The following PPP2R2C variants were observed in gnomAD, a reference collection of about 807,000 sequenced individuals.
PPP2R2C encodes protein phosphatase 2, regulatory subunit B, gamma.
PPP2R2C carries 10 observed loss-of-function variants against 45.3 expected under a neutral mutation model. That is an observed-to-expected ratio of 0.22 (90% CI 0.14 to 0.37). The LOEUF is 0.37. Ranked by LOEUF, PPP2R2C falls within the 10% of genes least tolerant of loss-of-function variation. The probability of loss-of-function intolerance (pLI) is 1.00; values close to 1 mark genes in which losing one functional copy is unlikely to be tolerated. For missense variants in PPP2R2C, 308 were observed against 619.7 expected, an observed-to-expected ratio of 0.50 and a Z score of 5.34; for synonymous variants, 257 against 245.4, an observed-to-expected ratio of 1.05 and a Z score of -0.44.
In PPP2R2C at chr4:6,329,117, G is replaced by C. The variant is rs1418159360; in HGVS notation, c.1052+145C>G. 30 of 697,496 alleles carry C rather than the reference G, an allele frequency of 4.3e-5. No individual in the cohort carries two copies. The highest frequency in any genetic ancestry group is 7.2e-5 in the Non-Finnish European group (29 of 402,440). The allele number at this position is 697,496 out of a possible 1,614,324, so 43.2% of individuals were successfully genotyped here. ...AGCGCTGAGAGTTGGACCTGCTCTGGAAAGCGTGGGCTTCACCCAGACACC... is the reference window on the plus strand; with the variant it reads ...AGCGCTGAGAGTTGGACCTGCTCTGCAAAGCGTGGGCTTCACCCAGACACC... On this transcript the variant is annotated intron_variant, in intron 8 of 8. Transcript: ENST00000382599. The surrounding 1 kb of genome is among the most constrained non-coding windows in gnomAD (Gnocchi z 5.8).
intron 2 of PPP2R2C, among the ~76,000 whole-genome samples, chr4:6,531,865 G>A (rs1724413690): frequency 6.6e-6 from 1 of 152,174 alleles, no homozygotes; most frequent in South Asian, 2.1e-4. Flanking sequence ...AGAGCCGGTG[G>A]CCCAGGTCCG....
chr4:6,531,159 T>C (rs376790502), intron 2 of PPP2R2C, among the ~76,000 whole-genome samples: 2 of 152,260 alleles, frequency 1.3e-5, no homozygotes, highest in African/African-American at 4.8e-5. Flanking sequence ...CAAGGAGGCT[T>C]CCCACCCTGA....
chr4:6,337,628 C>T (rs1311766218), intron 6 of PPP2R2C, among the ~76,000 whole-genome samples: 2 of 152,078 alleles, frequency 1.3e-5, no homozygotes, highest in Non-Finnish European at 2.9e-5. Flanking sequence ...GCAGGACTTG[C>T]GGGTGGATTC....
At chr4:6,433,447 C>T (rs930836146) in intron 1 of PPP2R2C, among the ~76,000 whole-genome samples, 4 of 152,166 alleles carry the variant, frequency 2.6e-5, no homozygotes, top group Non-Finnish European at 5.9e-5. Context: ...TAAGTAGCGT[C>T]GCCTGAAACG....
intron 1 of PPP2R2C, among the ~76,000 whole-genome samples, chr4:6,466,129 C>T (rs1404694123): frequency 1.3e-5 from 2 of 152,200 alleles, no homozygotes; most frequent in Non-Finnish European, 2.9e-5. Flanking sequence ...AAACTACAGA[C>T]GCACTGAGAA....
intron 1 of PPP2R2C, among the ~76,000 whole-genome samples, chr4:6,404,867 G>T (rs997177535): frequency 2.6e-5 from 4 of 152,220 alleles, no homozygotes; most frequent in African/African-American, 9.6e-5. Context: ...GGCAGGCAAG[G>T]GAGGGCCAAC....
chr4:6,562,969 A>G (rs1380385808), intron 1 of PPP2R2C, among the ~76,000 whole-genome samples: 1 of 151,952 alleles, frequency 6.6e-6, no homozygotes, highest in African/African-American at 2.4e-5. Flanking sequence ...AGCCAAAAAA[A>G]AAAAAAAAAG....
chr4:6,403,365 G>T (rs73798227), intron 1 of PPP2R2C, among the ~76,000 whole-genome samples: 1 of 152,112 alleles, frequency 6.6e-6, no homozygotes, highest in Non-Finnish European at 1.5e-5. Flanking sequence ...CTTCCTCCTC[G>T]CTTCCTGCCC....
Position 6,321,893 on chromosome 4 carries a change from G to A in PPP2R2C, c.*1409C>T, listed in dbSNP as rs916168905. The A allele has an allele frequency of 6.6e-6, 1 of 152,104 alleles. No homozygotes were observed. The highest frequency in any genetic ancestry group is 2.4e-5 in the African/African-American group (1 of 41,396). 9.4% of individuals were successfully genotyped at this position (152,104 alleles called of 1,614,324 possible). On this transcript the variant is annotated 3_prime_UTR_variant, in exon 9 of 9. Transcript: ENST00000382599. ...AGGGATGTGTCCTCTGGGACTGTGTGGTCCTTAAAGTAAAGGTATCCTAAA... is the reference window on the plus strand; with the variant it reads ...AGGGATGTGTCCTCTGGGACTGTGTAGTCCTTAAAGTAAAGGTATCCTAAA...
intron 2 of PPP2R2C, among the ~76,000 whole-genome samples, chr4:6,509,856 C>A (rs111601720): frequency 6.0e-4 from 91 of 152,238 alleles, no homozygotes; most frequent in Non-Finnish European, 1.1e-3. Flanking sequence ...GCCGACTCCA[C>A]GCAATGCACA....
chr4:6,483,964 C>G (rs972721808), intron 2 of PPP2R2C, among the ~76,000 whole-genome samples: 1 of 152,008 alleles, frequency 6.6e-6, no homozygotes, highest in Non-Finnish European at 1.5e-5. Flanking sequence ...TAAAATACAG[C>G]CATATCTATT....
rs542105556 is a variant in PPP2R2C, at chr4:6,348,293, G to A, written c.626-283C>T. On this transcript the variant is annotated intron_variant, in intron 5 of 8. Coordinates refer to ENST00000382599, the MANE Select transcript of PPP2R2C (RefSeq NM_020416.4). ...CCCCTCACCTGCACCCCACCCCAGT[G>A]AGGGTGCATCAGTTCCAGCCACACA... Among the ~76,000 whole-genome samples, 8 of 151,836 alleles carry A rather than the reference G, an allele frequency of 5.3e-5. No individual in the cohort carries two copies. The South Asian group carries it at 1.7e-3, about 32-fold the overall frequency.
intron 1 of PPP2R2C, among the ~76,000 whole-genome samples, chr4:6,390,202 G>T (rs1018942884): frequency 4.0e-5 from 6 of 151,460 alleles, no homozygotes; most frequent in Non-Finnish European, 8.8e-5. Context: ...GCCCAGAGGG[G>T]CGTGGAGAAC....
intron 2 of PPP2R2C, among the ~76,000 whole-genome samples, chr4:6,499,067 G>A (rs2108792394): frequency 6.6e-6 from 1 of 152,256 alleles, no homozygotes; most frequent in African/African-American, 2.4e-5. Context: ...AAGTGGCCAG[G>A]ACGTGGTGCC....
upstream of PPP2R2C, among the ~76,000 whole-genome samples, chr4:6,563,792 G>A (rs1277243017): frequency 2.1e-5 from 3 of 143,102 alleles, no homozygotes; most frequent in African/African-American, 5.0e-5. This position sits in a 1 kb window ranked among gnomAD's most constrained non-coding sequence, Gnocchi z 5.8. Flanking sequence ...CGTCCTCCGG[G>A]CGGCTGCGGG....
chr4:6,526,882 G>A (rs1724224848), intron 2 of PPP2R2C, among the ~76,000 whole-genome samples: 1 of 152,172 alleles, frequency 6.6e-6, no homozygotes, highest in African/African-American at 2.4e-5. Flanking sequence ...GATTCCCTGA[G>A]GAGGGGGACA....
At position 6,330,898 on chromosome 4, in the gene PPP2R2C, T is replaced by G. The variant is rs1732356620; in HGVS notation, c.961-1545A>C. The stretch of plus-strand genomic sequence containing the variant: ...AGCCCCCGTGTCCTCCTGGTGACCC[T>G]TGCCTTCCCCTTGGGCCCCTGGGCT... On this transcript the variant is annotated intron_variant, in intron 7 of 8. Transcript: ENST00000382599. The surrounding 1 kb of genome is among the most constrained non-coding windows in gnomAD (Gnocchi z 7.0). Among the ~76,000 whole-genome samples, 1 of 151,676 alleles carries G rather than the reference T, an allele frequency of 6.6e-6. No individual in the cohort carries two copies. The highest frequency in any genetic ancestry group is 1.5e-5 in the Non-Finnish European group (1 of 67,872).
chr4:6,498,537 A>C (rs1441485746), intron 2 of PPP2R2C, among the ~76,000 whole-genome samples: 2 of 152,266 alleles, frequency 1.3e-5, no homozygotes, highest in African/African-American at 4.8e-5. Context: ...GATTAAAAAA[A>C]TAGCAATGGG....
chr4:6,495,201 C>A (rs1301454670), intron 2 of PPP2R2C, among the ~76,000 whole-genome samples: 2 of 152,246 alleles, frequency 1.3e-5, no homozygotes, highest in Non-Finnish European at 2.9e-5. Context: ...GCCACACAGC[C>A]TGGTCCACTC....
Sources: gnomAD v4.1 joint callset for allele counts (sites outside exome capture counted in the v4.1 genomes callset) on GRCh38, gnomAD v4.1.1 for gene constraint, Gnocchi (gnomAD v3.1) non-coding constraint, MANE v1.5 for transcripts, NCBI Gene and HGNC (gene_info 2026-07-23, HGNC 2026-07-21) for gene names.